The following DNMT3A variants were observed in gnomAD, a reference collection of about 807,000 sequenced individuals.
DNMT3A encodes DNA methyltransferase 3 alpha, also known as DNA (cytosine-5)-methyltransferase 3A.
DNMT3A carries 267 observed loss-of-function variants against 117.6 expected under a neutral mutation model. The ratio of observed to expected loss-of-function variants is 2.27; its 90% CI spans 2.05 to 2.51. DNMT3A has a LOEUF of 2.51. Among genes scored for constraint, DNMT3A ranks in the 30% most tolerant of loss-of-function variants. The pLI is 0.00. For missense variants in DNMT3A, 1,029 were observed against 1,260.2 expected (o/e 0.82, Z 2.78); for synonymous variants, 432 against 474.8 (o/e 0.91, Z 1.17).
rs1405576557 is a variant in DNMT3A at position 25,304,043 on chromosome 2, G to A, written c.73-3800C>T. Among the ~76,000 whole-genome samples the A allele has an allele frequency of 2.6e-5, 4 of 152,246 alleles. No individual in the cohort carries two copies. The highest frequency in any genetic ancestry group is 6.5e-5 in the Admixed American group (1 of 15,284). ...ACTCTGAAAGAAAAGAATCTGATCC[G>A]TGGTGACATGGGACAGCTGAAGAAC... On this transcript the variant is annotated intron_variant, in intron 2 of 22. Transcript: ENST00000321117. This position sits in a 1 kb window ranked among gnomAD's most constrained non-coding sequence, Gnocchi z 4.3.
rs75671387 is a variant in DNMT3A, at chr2:25,255,266, A to C, written c.640-7014T>G. ...CCCTTACTAAAATGGGGCAATCTTC[A>C]AGGATCCTCAGGTCACACATGCTCT... On this transcript the variant is annotated intron_variant, in intron 6 of 22. Transcript: ENST00000321117. 4.9e-3 allele frequency among the ~76,000 whole-genome samples: 741 copies of C among 152,342 alleles called. 10 individuals carry two copies. The highest frequency in any genetic ancestry group is 0.036 in the East Asian group (186 of 5,190).
Position 25,314,105 on chromosome 2 carries a change from G to A in DNMT3A, c.-121C>T. On this transcript the variant is annotated 5_prime_UTR_variant, in exon 2 of 23. Transcript: ENST00000321117. ...ACTTAAACATAGATCCCGGTGTTGAGCCCTCTGGTGAACGGTGCCTCTGTC... is the reference window on the plus strand; with the variant it reads ...ACTTAAACATAGATCCCGGTGTTGAACCCTCTGGTGAACGGTGCCTCTGTC... The A allele has an allele frequency of 2.8e-6, 4 of 1,434,196 alleles. No homozygotes were observed. Among genetic ancestry groups the A allele is most frequent in the Non-Finnish European group, 3.6e-6 (4 of 1,096,736 alleles). The allele number at this position is 1,434,196 out of a possible 1,614,324, so 88.8% of individuals were successfully genotyped here. A position where few individuals can be genotyped will look rare whatever the true frequency, so the allele number is the denominator to read the frequency against.
At chr2:25,334,989 G>A (rs1321283966) in intron 1 of DNMT3A, among the ~76,000 whole-genome samples, 2 of 152,140 alleles carry the variant, frequency 1.3e-5, no homozygotes, top group East Asian at 1.9e-4. Flanking sequence ...CAAAGAAAAC[G>A]AAAGTGTACA....
At chr2:25,317,051 G>C (rs955680387) in intron 1 of DNMT3A, among the ~76,000 whole-genome samples, 2 of 152,138 alleles carry the variant, frequency 1.3e-5, no homozygotes, top group African/African-American at 4.8e-5. Flanking sequence ...CAATGCAATA[G>C]AAACATTTTT....
chr2:25,276,809 G>C (rs1430717008), intron 4 of DNMT3A, among the ~76,000 whole-genome samples: 1 of 152,272 alleles, frequency 6.6e-6, no homozygotes, highest in East Asian at 1.9e-4. Flanking sequence ...GTAGCTTGGG[G>C]TGGGGGGAGA....
At chr2:25,310,970 C>T (rs2034079836) in intron 2 of DNMT3A, among the ~76,000 whole-genome samples, 1 of 152,180 alleles carries the variant, frequency 6.6e-6, no homozygotes. Context: ...TAATACAAGG[C>T]CAACTACAGC....
rs61521265 is a variant in DNMT3A at position 25,326,108 on chromosome 2, A to ATGTGTGTGTGTGTG, written c.-177-11961_-177-11948dup. ...CACATTTTCTATTAACTTGATATAT[A>ATGTGTGTGTGTGTG]TGTGTGTGTGTGTGTGTGTGTGTGT... On this transcript the variant is annotated intron_variant, in intron 1 of 22. Coordinates refer to ENST00000321117, the MANE Select transcript of DNMT3A (RefSeq NM_022552.5). 2.3e-3 allele frequency among the ~76,000 whole-genome samples: 331 copies of ATGTGTGTGTGTGTG among 142,348 alleles called. 2 individuals carry two copies. The highest frequency in any genetic ancestry group is 7.6e-3 in the East Asian group (36 of 4,720). The allele number at this position is 142,348 out of a possible 152,430, so 93.4% of individuals were successfully genotyped here. A position where few individuals can be genotyped will look rare whatever the true frequency, so the allele number is the denominator to read the frequency against.
intron 20 of DNMT3A, among the ~76,000 whole-genome samples, chr2:25,238,604 C>A (rs1673623840): frequency 6.6e-6 from 1 of 152,196 alleles, no homozygotes; most frequent in Non-Finnish European, 1.5e-5. Flanking sequence ...ATATTAAAAT[C>A]TTTATCTGTG....
At chr2:25,314,357 C>G (rs771039625) in intron 1 of DNMT3A, 196 bp from the exon 2 acceptor site, 235 of 985,212 alleles carry the variant, frequency 2.4e-4, no homozygotes, top group Non-Finnish European at 2.7e-4. Flanking sequence ...CCTCTGAGAG[C>G]CTTGGAGTGG....
chr2:25,333,729 A>C (rs1440382029), intron 1 of DNMT3A, among the ~76,000 whole-genome samples: 1 of 152,216 alleles, frequency 6.6e-6, no homozygotes, highest in Non-Finnish European at 1.5e-5. Context: ...CCACGTAAAG[A>C]AAAGCAGCTC....
In DNMT3A at chr2:25,247,040, G is replaced by T; in HGVS notation, c.1122+11C>A. On this transcript the variant is annotated intron_variant, in intron 9 of 22. Coordinates refer to ENST00000321117, the MANE Select transcript of DNMT3A (RefSeq NM_022552.5). This position sits in a 1 kb window ranked among gnomAD's most constrained non-coding sequence, Gnocchi z 5.6. ...AGGCTCCTCCTCCGAGCTCCCAGCA[G>T]GGACACTCACCTGCAGGACCTCGTA... 1 of 1,613,050 alleles carries T rather than the reference G, an allele frequency of 6.2e-7. No individual in the cohort carries two copies. Among genetic ancestry groups the T allele is most frequent in the Non-Finnish European group, 8.5e-7 (1 of 1,179,540 alleles).
In DNMT3A at chr2:25,339,979, T is replaced by C. The variant is rs779709171; in HGVS notation, c.-178+1847A>G. 2.6e-5 allele frequency among the ~76,000 whole-genome samples: 4 copies of C among 152,126 alleles called. No individual in the cohort carries two copies. Among genetic ancestry groups the C allele is most frequent in the Admixed American group, 1.3e-4 (2 of 15,284 alleles). On this transcript the variant is annotated intron_variant, in intron 1 of 22. Transcript: ENST00000321117. This position sits in a 1 kb window ranked among gnomAD's most constrained non-coding sequence, Gnocchi z 4.9. ...GCCGCTGGCAGCCTAGGGTGAAACA[T>C]GAAGACTGAGCAGGCCCTCAGGGAT...
chr2:25,308,068 T>G (rs1385937779), intron 2 of DNMT3A, among the ~76,000 whole-genome samples: 2 of 152,298 alleles, frequency 1.3e-5, no homozygotes, highest in Admixed American at 1.3e-4. Context: ...CAGTGGACTC[T>G]AAGCCCACAC....
chr2:25,241,654 C>T lies in DNMT3A; in HGVS notation c.1990G>A (p.Glu664Lys), dbSNP rs1476901854. The change falls in exon 17 of 23, where the codon GAG becomes AAG. Residue 664 changes from glutamate to lysine, a missense_variant. Transcript: ENST00000321117. The stretch of plus-strand genomic sequence containing the variant: ...ACCGTGATGGAGTCCTCACACACCT[C>T]CGAGGCAATGTAGCGGTCCACCTGA... ...GIQVDRYIAS[E>K]VCEDSITVGM... is the part of the protein sequence containing the mutation. The T allele has an allele frequency of 6.2e-7, 1 of 1,614,046 alleles. No homozygotes were observed. The highest frequency in any genetic ancestry group is 8.5e-7 in the Non-Finnish European group (1 of 1,180,016).
In DNMT3A at chr2:25,233,801, A is replaced by C. The variant is rs1416382178; in HGVS notation, c.*478T>G. ...CCCAAAAAAAAAAAACAAAAAACAA[A>C]AAAAAAAACAACCCAATATATAGAT... On this transcript the variant is annotated 3_prime_UTR_variant, in exon 23 of 23. Coordinates refer to ENST00000321117, the MANE Select transcript of DNMT3A (RefSeq NM_022552.5). 2 of 226,008 alleles carry C rather than the reference A, an allele frequency of 8.8e-6. No individual in the cohort carries two copies. The highest frequency in any genetic ancestry group is 1.8e-5 in the Non-Finnish European group (2 of 113,952). The allele number at this position is 226,008 out of a possible 1,614,324, so 14.0% of individuals were successfully genotyped here.
chr2:25,262,001 A>G (rs977600887), intron 6 of DNMT3A, among the ~76,000 whole-genome samples: 2 of 152,084 alleles, frequency 1.3e-5, no homozygotes, highest in African/African-American at 4.8e-5. Flanking sequence ...CCTGGCCAAC[A>G]TGGTGAAACC....
In DNMT3A at chr2:25,314,084, A is replaced by T. The variant is rs977163283; in HGVS notation, c.-100T>A. 6.9e-7 allele frequency: 1 copy of T among 1,441,114 alleles called. No individual in the cohort carries two copies. The allele number at this position is 1,441,114 out of a possible 1,614,324, so 89.3% of individuals were successfully genotyped here. On this transcript the variant is annotated 5_prime_UTR_variant, in exon 2 of 23. Coordinates refer to ENST00000321117, the MANE Select transcript of DNMT3A (RefSeq NM_022552.5). ...TCTTTGGAGGCGAGAGTTAAAACTTAAACATAGATCCCGGTGTTGAGCCCT... is the reference window on the plus strand; with the variant it reads ...TCTTTGGAGGCGAGAGTTAAAACTTTAACATAGATCCCGGTGTTGAGCCCT...
intron 3 of DNMT3A, among the ~76,000 whole-genome samples, chr2:25,292,872 T>C (rs943122195): frequency 2.0e-5 from 3 of 152,050 alleles, no homozygotes; most frequent in Non-Finnish European, 4.4e-5. Context: ...GGAGGAACAA[T>C]GCAGGTGGAG....
intron 2 of DNMT3A, among the ~76,000 whole-genome samples, chr2:25,312,308 G>A (rs945590497): frequency 1.8e-4 from 28 of 152,326 alleles, no homozygotes; most frequent in Admixed American, 1.2e-3. Context: ...CTAGGGGCCC[G>A]CAGGTATCCA....
Sources: allele counts gnomAD v4.1 joint callset (sites outside exome capture counted in the v4.1 genomes callset), GRCh38; gene constraint gnomAD v4.1.1; non-coding constraint Gnocchi (gnomAD v3.1); transcripts MANE v1.5; gene names NCBI Gene and HGNC (gene_info 2026-07-23, HGNC 2026-07-21).